PRKG1: variants seen among roughly 807,000 people sequenced by gnomAD.
PRKG1 encodes protein kinase cGMP-dependent 1, also known as cGMP-dependent protein kinase 1.
Under a neutral mutation model 88.1 loss-of-function variants are expected in PRKG1, and 35 were observed. That is an observed-to-expected ratio of 0.40 (90% CI 0.30 to 0.53). The LOEUF (loss-of-function observed/expected upper bound fraction) is 0.53, where lower values mean the gene tolerates loss of function less well. Ranked by LOEUF, PRKG1 falls within the 20% of genes least tolerant of loss-of-function variation. The probability of loss-of-function intolerance (pLI) is 0.59; values close to 1 mark genes in which losing one functional copy is unlikely to be tolerated. For missense variants in PRKG1, 540 were observed against 839.8 expected (o/e 0.64, Z 4.41); for synonymous variants, 303 against 292.5 (o/e 1.04, Z -0.37).
At chr10:51,653,392 A>G (rs2132317546) in intron 3 of PRKG1, among the ~76,000 whole-genome samples, 1 of 152,254 alleles carries the variant, frequency 6.6e-6, no homozygotes, top group Non-Finnish European at 1.5e-5. Context: ...CTTTTTTGAT[A>G]GTAGACATTT....
chr10:51,458,143 A>G (rs761130759), intron 2 of PRKG1, among the ~76,000 whole-genome samples: 7 of 152,196 alleles, frequency 4.6e-5, no homozygotes, highest in African/African-American at 7.2e-5. Context: ...AAAATGGGAA[A>G]AAATACATAT....
At chr10:51,868,291 G>A (rs144519697) in intron 4 of PRKG1, among the ~76,000 whole-genome samples, 165 of 152,208 alleles carry the variant, frequency 1.1e-3, no homozygotes, top group African/African-American at 3.7e-3. Context: ...AGGATGAAGC[G>A]CCAACTAGAG....
At chr10:51,705,053 A>G (rs935997397) in intron 3 of PRKG1, among the ~76,000 whole-genome samples, 2 of 152,070 alleles carry the variant, frequency 1.3e-5, no homozygotes, top group Admixed American at 1.3e-4. Flanking sequence ...ATCCCTTCAC[A>G]TATTCTCCTC....
In PRKG1 at chr10:52,293,807, A is replaced by C. The variant is rs564599393; in HGVS notation, c.1968A>C (p.Ala656=). 3.7e-6 allele frequency: 6 copies of C among 1,611,988 alleles called. No homozygotes were observed. In the East Asian group the frequency reaches 1.3e-4, roughly 36 times the overall value. ...TLTPPIIPSV[A]SPTDTSNFDS... is the part of the protein sequence containing the mutation. ...AACCTGTCCATTTTTTACAGGTTGCATCACCCACAGACACAAGTAATTTTG... is the reference window on the plus strand; with the variant it reads ...AACCTGTCCATTTTTTACAGGTTGCCTCACCCACAGACACAAGTAATTTTG... The change falls in exon 18 of 18, where the codon GCA becomes GCC. Residue 656 remains alanine (A), a synonymous_variant. Coordinates refer to ENST00000373980, the MANE Select transcript of PRKG1 (RefSeq NM_006258.4).
intron 4 of PRKG1, among the ~76,000 whole-genome samples, chr10:51,818,986 G>A (rs1370086008): frequency 3.1e-5 from 2 of 65,066 alleles, no homozygotes; most frequent in Non-Finnish European, 4.6e-5. Context: ...CAGCCTGGGC[G>A]ACAGAGCGAG....
At chr10:52,079,924 T>C (rs1248944072) in intron 7 of PRKG1, among the ~76,000 whole-genome samples, 1 of 152,202 alleles carries the variant, frequency 6.6e-6, no homozygotes, top group African/African-American at 2.4e-5. Context: ...TAATAAGTGC[T>C]AGGGCAGGCT....
intron 1 of PRKG1, among the ~76,000 whole-genome samples, chr10:51,010,899 T>C (rs1842985844): frequency 6.6e-6 from 1 of 152,176 alleles, no homozygotes. Context: ...CACGCAAAAA[T>C]AAATACTTGG....
At chr10:51,022,169 A>C (rs1245733775) in intron 1 of PRKG1, among the ~76,000 whole-genome samples, 1 of 152,124 alleles carries the variant, frequency 6.6e-6, no homozygotes, top group Admixed American at 6.6e-5. Context: ...ATGACCCATC[A>C]CCAGAACATT....
At chr10:51,842,496 T>A (rs1208719428) in intron 4 of PRKG1, among the ~76,000 whole-genome samples, 1 of 152,144 alleles carries the variant, frequency 6.6e-6, no homozygotes, top group Non-Finnish European at 1.5e-5. Flanking sequence ...CTGATCCTTA[T>A]GTGTGGTTCC....
At chr10:51,982,338 A>G (rs908581832) in intron 5 of PRKG1, among the ~76,000 whole-genome samples, 1 of 152,166 alleles carries the variant, frequency 6.6e-6, no homozygotes, top group African/African-American at 2.4e-5. Flanking sequence ...ATCCTGGTTC[A>G]CAACTTTTGC....
intron 2 of PRKG1, among the ~76,000 whole-genome samples, chr10:51,192,728 T>C (rs980478498): frequency 3.3e-5 from 5 of 151,986 alleles, no homozygotes; most frequent in South Asian, 2.1e-4. Flanking sequence ...TCAGTCAATA[T>C]GATAAAGAGA....
chr10:51,308,898 G>A (rs1266087197), intron 2 of PRKG1, among the ~76,000 whole-genome samples: 3 of 152,152 alleles, frequency 2.0e-5, no homozygotes, highest in Non-Finnish European at 4.4e-5. Flanking sequence ...TTGAGGAGGG[G>A]GCACCACCAA....
At chr10:51,392,784 G>A (rs1287449710) in intron 2 of PRKG1, among the ~76,000 whole-genome samples, 21 of 140,332 alleles carry the variant, frequency 1.5e-4, no homozygotes, top group African/African-American at 3.3e-4. Flanking sequence ...CCTCCCTCCC[G>A]GACGGGGCGG....
At chr10:51,212,574 A>G (rs1455579184) in intron 2 of PRKG1, among the ~76,000 whole-genome samples, 1 of 152,216 alleles carries the variant, frequency 6.6e-6, no homozygotes, top group African/African-American at 2.4e-5. Flanking sequence ...TCATCTGACA[A>G]AGGGCTAATA....
chr10:51,223,027 G>A (rs575051522), intron 2 of PRKG1, among the ~76,000 whole-genome samples: 29 of 151,524 alleles, frequency 1.9e-4, no homozygotes, highest in East Asian at 9.7e-4. Context: ...GGGGTGGTGC[G>A]GGGGAGGGTA....
intron 3 of PRKG1, chr10:51,699,310 C>T (rs765635318): frequency 1.4e-5 from 22 of 1,614,018 alleles, no homozygotes; most frequent in Non-Finnish European, 1.9e-5. Context: ...CACTGAACTC[C>T]CGCCCATTGA....
intron 2 of PRKG1, among the ~76,000 whole-genome samples, chr10:51,155,405 TACTGTGAGGTA>T (rs1181969377): frequency 1.3e-5 from 2 of 152,048 alleles, no homozygotes; most frequent in African/African-American, 2.4e-5. Context: ...CCTCAAACAA[TACTGTGAGGTA>T]AAGGCTAATA....
intron 1 of PRKG1, among the ~76,000 whole-genome samples, chr10:51,048,613 G>A (rs1023912888): frequency 6.6e-6 from 1 of 152,140 alleles, no homozygotes; most frequent in Non-Finnish European, 1.5e-5. Context: ...TGTGGGAAAA[G>A]TTGCTTTCCT....
At chr10:51,317,699 G>C (rs1841358002) in intron 2 of PRKG1, among the ~76,000 whole-genome samples, 1 of 142,836 alleles carries the variant, frequency 7.0e-6, no homozygotes, top group African/African-American at 2.5e-5. Flanking sequence ...GGATAACCTG[G>C]GGTTTATTCT....
Sources: allele counts gnomAD v4.1 joint callset (sites outside exome capture counted in the v4.1 genomes callset), GRCh38; gene constraint gnomAD v4.1.1; transcripts MANE v1.5; gene names NCBI Gene and HGNC (gene_info 2026-07-23, HGNC 2026-07-21).